SUDS3: variants seen among roughly 807,000 people sequenced by gnomAD.
SUDS3 encodes the protein SIN3A corepressor complex component SDS3.
Under a neutral mutation model 53.5 loss-of-function variants are expected in SUDS3, and 23 were observed. The ratio of observed to expected loss-of-function variants is 0.43; its 90% CI spans 0.31 to 0.61. The LOEUF (loss-of-function observed/expected upper bound fraction) is 0.61, where lower values mean the gene tolerates loss of function less well. SUDS3 is among the 20% of genes least tolerant of loss of function. SUDS3 has a pLI of 0.10. For missense variants in SUDS3, 291 were observed against 405.9 expected (o/e 0.72, Z 2.43); for synonymous variants, 150 against 148.5 (o/e 1.01, Z -0.08).
chr12:118,399,619 G>T (rs1376422865), intron 6 of SUDS3, among the ~76,000 whole-genome samples: 1 of 152,158 alleles, frequency 6.6e-6, no homozygotes, highest in Non-Finnish European at 1.5e-5. Context: ...ACCACTGAAG[G>T]CCGTGGAGGT....
chr12:118,398,043 A>G (rs2046231275), intron 6 of SUDS3, among the ~76,000 whole-genome samples: 1 of 152,196 alleles, frequency 6.6e-6, no homozygotes, highest in African/African-American at 2.4e-5. Flanking sequence ...CTCACAGTTG[A>G]CATCAGCTGC....
chr12:118,378,015 C>A (rs1303649217), intron 1 of SUDS3, among the ~76,000 whole-genome samples: 3 of 152,176 alleles, frequency 2.0e-5, no homozygotes, highest in Non-Finnish European at 4.4e-5. Flanking sequence ...CGATTTAATT[C>A]CATCAGAAGA....
At chr12:118,376,854 G>A (rs1478913472) in intron 1 of SUDS3, 21 bp downstream of exon 1, 3 of 1,514,382 alleles carry the variant, frequency 2.0e-6, no homozygotes, top group Non-Finnish European at 1.8e-6. Context: ...CCGCTCGCCC[G>A]GCCGCCCGGA....
At position 118,416,881 on chromosome 12, in the gene SUDS3, A is replaced by T. The variant is rs1029473776; in HGVS notation, c.*2448A>T. 3.9e-5 allele frequency: 6 copies of T among 152,202 alleles called. No homozygotes were observed. Among genetic ancestry groups the T allele is most frequent in the African/African-American group, 1.4e-4 (6 of 41,460 alleles). The allele number at this position is 152,202 out of a possible 1,614,324, so 9.4% of individuals were successfully genotyped here. ...TCACTAGACCCCAGGGCACCAGATG[A>T]ATTTCCAAGTTTAAACTCTTTCCTG... On this transcript the variant is annotated 3_prime_UTR_variant, in exon 12 of 12. Transcript: ENST00000543473.
chr12:118,408,335 G>GT (rs1007287804), intron 10 of SUDS3, among the ~76,000 whole-genome samples: 2,743 of 130,034 alleles, frequency 0.021, 31 homozygotes, highest in South Asian at 0.04. Flanking sequence ...TACCTGGCCA[G>GT]TTTTTTTTTT....
intron 11 of SUDS3, among the ~76,000 whole-genome samples, chr12:118,411,891 T>G (rs544375297): frequency 1.2e-4 from 18 of 152,326 alleles, no homozygotes; most frequent in Non-Finnish European, 2.1e-4. Flanking sequence ...TCTAGAACTT[T>G]CACACATACC....
chr12:118,393,260 T>C (rs553100336), intron 6 of SUDS3, among the ~76,000 whole-genome samples: 1 of 152,346 alleles, frequency 6.6e-6, no homozygotes, highest in African/African-American at 2.4e-5. Flanking sequence ...ATATCATTGT[T>C]GCCCAGCTCT....
intron 2 of SUDS3, among the ~76,000 whole-genome samples, chr12:118,383,734 C>G (rs965177617): frequency 6.6e-6 from 1 of 152,156 alleles, no homozygotes; most frequent in Non-Finnish European, 1.5e-5. Context: ...AATCTGCTAT[C>G]GTTGCAAGTT....
Position 118,401,531 on chromosome 12 carries a change from T to C in SUDS3, c.614-228T>C, listed in dbSNP as rs147628349. Among the ~76,000 whole-genome samples the C allele has an allele frequency of 1.4e-3, 214 of 152,352 alleles. 1 individual carries two copies. The highest frequency in any genetic ancestry group is 0.01 in the Middle Eastern group (3 of 294). ...TGTTATTGTAGATGCCTAATGAAGC[T>C]CATTCCACCTTCTCATCCTAGCAGT... On this transcript the variant is annotated intron_variant, in intron 7 of 11. Transcript: ENST00000543473.
intron 1 of SUDS3, 46 bp from the exon 2 acceptor site, chr12:118,380,116 C>G (rs746360515): frequency 3.0e-5 from 46 of 1,516,766 alleles, no homozygotes; most frequent in East Asian, 2.5e-4. Flanking sequence ...ACGCCAACTC[C>G]GTGAATTATG....
intron 2 of SUDS3, 129 bp from the exon 3 acceptor site, chr12:118,383,883 C>A: frequency 1.3e-6 from 1 of 773,422 alleles, no homozygotes; most frequent in Non-Finnish European, 2.1e-6. Flanking sequence ...GCAGACTTTA[C>A]TTTCCTCTCT....
At chr12:118,395,969 C>T (rs112866895) in intron 6 of SUDS3, among the ~76,000 whole-genome samples, 70 of 152,160 alleles carry the variant, frequency 4.6e-4, no homozygotes, top group Middle Eastern at 3.4e-3. Flanking sequence ...CATGAACCAC[C>T]GTGCCCAGCC....
chr12:118,390,093 C>A, intron 5 of SUDS3, 147 bp downstream of exon 5: 1 of 949,954 alleles, frequency 1.1e-6, no homozygotes, highest in Non-Finnish European at 1.7e-6. Context: ...CATTTGGTCT[C>A]AGCTCAGACA....
chr12:118,387,086 G>A lies in SUDS3; in HGVS notation c.340+901G>A, dbSNP rs1182196359. 2.6e-5 allele frequency among the ~76,000 whole-genome samples: 4 copies of A among 152,280 alleles called. No homozygotes were observed. The East Asian group carries it at 7.7e-4, about 29-fold the overall frequency. ...TCCAACGCTTCACTGTGTCTCCTCA[G>A]TGAGAAGCTGCCCAGTGCACACCAA... On this transcript the variant is annotated intron_variant, in intron 4 of 11. Coordinates refer to ENST00000543473, the MANE Select transcript of SUDS3 (RefSeq NM_022491.3).
chr12:118,402,534 A>G (rs1412514031), intron 9 of SUDS3: 3 of 154,206 alleles, frequency 1.9e-5, no homozygotes, highest in Admixed American at 1.9e-4. Context: ...AGAATTCTGA[A>G]TTGGTGACAT....
intron 11 of SUDS3, among the ~76,000 whole-genome samples, chr12:118,414,120 C>T (rs7312555): frequency 0.11 from 16,095 of 152,136 alleles, 1,119 homozygotes; most frequent in Middle Eastern, 0.17. Context: ...GGCTGAGAAA[C>T]GAGTTCAAGG....
At chr12:118,386,986 A>G (rs1444503053) in intron 4 of SUDS3, among the ~76,000 whole-genome samples, 1 of 152,184 alleles carries the variant, frequency 6.6e-6, no homozygotes, top group Admixed American at 6.5e-5. Flanking sequence ...TGGTAGAAGT[A>G]ATGATGGGTT....
chr12:118,391,965 G>C (rs997644228), intron 6 of SUDS3, among the ~76,000 whole-genome samples: 1 of 152,152 alleles, frequency 6.6e-6, no homozygotes, highest in Admixed American at 6.5e-5. Context: ...ATCCACATAT[G>C]GGAACTCAGC....
chr12:118,391,520 G>A (rs1416930405), intron 6 of SUDS3, among the ~76,000 whole-genome samples: 1 of 152,180 alleles, frequency 6.6e-6, no homozygotes, highest in Non-Finnish European at 1.5e-5. Context: ...CAGGATTGTG[G>A]TTAGACATAT....
Sources: gnomAD v4.1 joint callset for allele counts (sites outside exome capture counted in the v4.1 genomes callset) on GRCh38, gnomAD v4.1.1 for gene constraint, MANE v1.5 for transcripts, NCBI Gene and HGNC (gene_info 2026-07-23, HGNC 2026-07-21) for gene names.